Variants in FBXL17 observed in about 807,000 individuals in gnomAD.
FBXL17 encodes F-box and leucine rich repeat protein 17.
Under a neutral mutation model 66.2 loss-of-function variants are expected in FBXL17, and 22 were observed. The observed-to-expected ratio is 0.33, with a 90% CI of 0.24 to 0.47. The LOEUF (loss-of-function observed/expected upper bound fraction) is 0.47. FBXL17 is among the 20% of genes least tolerant of loss of function. FBXL17 has a pLI of 1.00. For missense variants in FBXL17, 878 were observed against 948.2 expected, an observed-to-expected ratio of 0.93 and a Z score of 0.97; for synonymous variants, 474 against 400.5, an observed-to-expected ratio of 1.18 and a Z score of -2.19.
chr5:108,099,619 C>T (rs901271860), intron 6 of FBXL17, among the ~76,000 whole-genome samples: 7 of 152,112 alleles, frequency 4.6e-5, no homozygotes, highest in African/African-American at 1.7e-4. Context: ...TCCTTGGCCT[C>T]AACTTACCAT....
chr5:108,146,015 G>A (rs957244559), intron 6 of FBXL17, among the ~76,000 whole-genome samples: 11 of 151,896 alleles, frequency 7.2e-5, no homozygotes, highest in South Asian at 6.2e-4. Flanking sequence ...TCAGGAGATC[G>A]AAACCATCCT....
At chr5:108,141,256 C>T (rs1310699945) in intron 6 of FBXL17, among the ~76,000 whole-genome samples, 4 of 152,120 alleles carry the variant, frequency 2.6e-5, no homozygotes, top group Admixed American at 1.3e-4. Context: ...GTCTCAGGTC[C>T]GGTGTTTTTC....
At chr5:108,059,454 T>C (rs928469112) in intron 6 of FBXL17, among the ~76,000 whole-genome samples, 1 of 152,134 alleles carries the variant, frequency 6.6e-6, no homozygotes, top group Non-Finnish European at 1.5e-5. Flanking sequence ...GCCCTCTCAT[T>C]ACCAGACTTG....
In FBXL17 at chr5:108,377,695, G is replaced by T. The variant is rs527611587; in HGVS notation, c.993+3004C>A. Among the ~76,000 whole-genome samples the T allele has an allele frequency of 8.5e-5, 13 of 152,344 alleles. No individual in the cohort carries two copies. The South Asian group carries it at 2.7e-3, about 32-fold the overall frequency. ...TCTGCCATTTTTATACTTGTGTGTG[G>T]AAAGGATTCACCAAACTCTTCATGC... On this transcript the variant is annotated intron_variant, in intron 1 of 8. Transcript: ENST00000542267.
chr5:108,210,310 T>C (rs1754312138), intron 5 of FBXL17, among the ~76,000 whole-genome samples: 2 of 152,214 alleles, frequency 1.3e-5, no homozygotes, highest in Admixed American at 1.3e-4. Context: ...CTCTATCTCC[T>C]ACAGCTCTGC....
chr5:108,128,355 A>C (rs1334974190), intron 6 of FBXL17, among the ~76,000 whole-genome samples: 1 of 152,140 alleles, frequency 6.6e-6, no homozygotes, highest in Non-Finnish European at 1.5e-5. Context: ...GATGGAGGCC[A>C]ATGTTCCTCA....
chr5:108,339,550 A>G (rs543319269), intron 4 of FBXL17, among the ~76,000 whole-genome samples: 194 of 151,978 alleles, frequency 1.3e-3, no homozygotes, highest in African/African-American at 4.2e-3. Flanking sequence ...GTAGTCAAAA[A>G]AGAAAGCAAA....
chr5:107,970,341 A>C (rs1344174315), intron 7 of FBXL17, among the ~76,000 whole-genome samples: 2 of 152,204 alleles, frequency 1.3e-5, no homozygotes, highest in Non-Finnish European at 2.9e-5. Context: ...ATGAAAAAAA[A>C]TGACCACCAC....
intron 6 of FBXL17, among the ~76,000 whole-genome samples, chr5:108,083,246 CACACAGAGAG>C (rs955276403): frequency 4.2e-5 from 6 of 141,454 alleles, no homozygotes; most frequent in African/African-American, 1.4e-4. Flanking sequence ...CACACACACA[CACACAGAGAG>C]AGAGATAGAC....
intron 4 of FBXL17, among the ~76,000 whole-genome samples, chr5:108,315,896 C>A (rs570777825): frequency 2.0e-5 from 3 of 151,372 alleles, no homozygotes; most frequent in Admixed American, 6.6e-5. Context: ...ATCTTTGATG[C>A]ATAAAATAAA....
chr5:108,194,775 G>A (rs572914567), intron 5 of FBXL17, among the ~76,000 whole-genome samples: 1 of 152,098 alleles, frequency 6.6e-6, no homozygotes, highest in Non-Finnish European at 1.5e-5. Flanking sequence ...TCCAAGTTAG[G>A]ATAACCAGCG....
intron 4 of FBXL17, among the ~76,000 whole-genome samples, chr5:108,250,441 C>A (rs1030071167): frequency 6.6e-6 from 1 of 151,862 alleles, no homozygotes; most frequent in African/African-American, 2.4e-5. Flanking sequence ...TAATAATGGC[C>A]CATTTTGAAG....
chr5:108,295,834 CAAGACTATA>C (rs1055003655), intron 4 of FBXL17, among the ~76,000 whole-genome samples: 18 of 151,450 alleles, frequency 1.2e-4, no homozygotes, highest in Admixed American at 3.3e-4. Context: ...TCAACTGGAA[CAAGACTATA>C]AAGTTCTAGC....
At chr5:108,125,417 A>C (rs977290092) in intron 6 of FBXL17, among the ~76,000 whole-genome samples, 10 of 152,086 alleles carry the variant, frequency 6.6e-5, no homozygotes, top group Non-Finnish European at 1.3e-4. Context: ...GAAAGTTTTT[A>C]AGAGTTCCAG....
At chr5:108,070,522 A>G (rs575858567) in intron 6 of FBXL17, among the ~76,000 whole-genome samples, 8 of 152,334 alleles carry the variant, frequency 5.3e-5, no homozygotes, top group African/African-American at 1.7e-4. Flanking sequence ...CGAATGCTTC[A>G]AACCCATCTC....
At chr5:108,154,670 T>C (rs1484157444) in intron 6 of FBXL17, among the ~76,000 whole-genome samples, 4 of 142,954 alleles carry the variant, frequency 2.8e-5, no homozygotes, top group African/African-American at 5.1e-5. Context: ...TACATATATA[T>C]GTGTATATAT....
chr5:108,046,074 T>G (rs1045622278), intron 6 of FBXL17, among the ~76,000 whole-genome samples: 1 of 152,240 alleles, frequency 6.6e-6, no homozygotes, highest in African/African-American at 2.4e-5. Context: ...CAACTACAAC[T>G]GTAGATTTAT....
chr5:108,355,048 C>T (rs1302221373), intron 3 of FBXL17, among the ~76,000 whole-genome samples: 1 of 151,862 alleles, frequency 6.6e-6, no homozygotes, highest in Non-Finnish European at 1.5e-5. Flanking sequence ...AGGAAAATGA[C>T]ACAGGTCAAA....
At chr5:108,270,535 T>TA (rs1045536898) in intron 4 of FBXL17, among the ~76,000 whole-genome samples, 541 of 139,442 alleles carry the variant, frequency 3.9e-3, no homozygotes, top group African/African-American at 4.9e-3. Flanking sequence ...CTTAGGTTAA[T>TA]AAAAAAAAAA....
Sources: allele counts gnomAD v4.1 joint callset (sites outside exome capture counted in the v4.1 genomes callset), GRCh38; gene constraint gnomAD v4.1.1; transcripts MANE v1.5; gene names NCBI Gene and HGNC (gene_info 2026-07-23, HGNC 2026-07-21).